COL24A1: variants seen among roughly 807,000 people sequenced by gnomAD.
COL24A1 encodes collagen alpha-1(XXIV) chain.
In COL24A1, 224 loss-of-function variants were observed where a neutral mutation model predicts 253.9. The observed-to-expected ratio is 0.88, with a 90% CI of 0.79 to 0.99. The LOEUF is 0.99. COL24A1 is among the 50% of genes least tolerant of loss of function. The pLI is 0.00. For missense variants in COL24A1, 2,131 were observed against 2,068.5 expected, an observed-to-expected ratio of 1.03 and a Z score of -0.59; for synonymous variants, 685 against 673.7, an observed-to-expected ratio of 1.02 and a Z score of -0.26.
At chr1:86,132,362 T>C (rs1649385993) in intron 2 of COL24A1, among the ~76,000 whole-genome samples, 1 of 152,130 alleles carries the variant, frequency 6.6e-6, no homozygotes, top group Non-Finnish European at 1.5e-5. Flanking sequence ...AGAAGCTCTT[T>C]AGTGTAGTTA....
In COL24A1 at chr1:85,869,178, C is replaced by T. The variant is rs117488617; in HGVS notation, c.3139-343G>A. ...CTGAGTTCAAGAAATGTAAATACTG[C>T]ATCTCATAAAGTTATAGTGCTTTGC... On this transcript the variant is annotated intron_variant, in intron 35 of 59. Coordinates refer to ENST00000370571, the MANE Select transcript of COL24A1 (RefSeq NM_152890.7). Among the ~76,000 whole-genome samples the T allele has an allele frequency of 7.1e-4, 108 of 152,190 alleles. No individual in the cohort carries two copies. The East Asian group carries it at 0.017, about 24-fold the overall frequency.
At chr1:85,910,656 A>G (rs1307055144) in intron 25 of COL24A1, among the ~76,000 whole-genome samples, 2 of 152,028 alleles carry the variant, frequency 1.3e-5, no homozygotes, top group South Asian at 2.1e-4. Context: ...TAAAAAATCA[A>G]TAAGTATATA....
In COL24A1 at chr1:85,896,348, A is replaced by G. The variant is rs757970346; in HGVS notation, c.2832+8T>C. 197 of 1,611,448 alleles carry G rather than the reference A, an allele frequency of 1.2e-4. No individual in the cohort carries two copies. Among genetic ancestry groups the G allele is most frequent in the Non-Finnish European group, 4.8e-5 (56 of 1,177,796 alleles). On this transcript the variant is annotated splice_region_variant and intron_variant, in intron 29 of 59. Coordinates refer to ENST00000370571, the MANE Select transcript of COL24A1 (RefSeq NM_152890.7). ...ACTACATATGAAATGAGAAAAATCA[A>G]TGATTACCTTGGCACCTTGTATACC...
chr1:85,833,644 T>C (rs939474471), intron 43 of COL24A1, among the ~76,000 whole-genome samples: 5 of 152,124 alleles, frequency 3.3e-5, no homozygotes, highest in South Asian at 2.1e-4. Context: ...ATAAATCATG[T>C]TGCTATAAAG....
chr1:86,116,022 A>G (rs531842275), intron 3 of COL24A1, among the ~76,000 whole-genome samples: 21 of 152,320 alleles, frequency 1.4e-4, no homozygotes, highest in African/African-American at 5.1e-4. Flanking sequence ...AAACATATCA[A>G]ATAAGAAATA....
intron 19 of COL24A1, among the ~76,000 whole-genome samples, chr1:86,008,307 T>G (rs568009844): frequency 1.3e-5 from 2 of 152,178 alleles, no homozygotes; most frequent in Non-Finnish European, 2.9e-5. Context: ...TGCAGTGGTG[T>G]AACCTCGGCT....
intron 1 of COL24A1, among the ~76,000 whole-genome samples, chr1:86,149,840 C>A (rs1460310768): frequency 6.6e-6 from 1 of 152,152 alleles, no homozygotes; most frequent in Non-Finnish European, 1.5e-5. Context: ...TGAGCCATAC[C>A]TTGCATAAAT....
chr1:86,125,792 C>T lies in COL24A1; in HGVS notation c.544G>A (p.Gly182Arg). 1 of 1,612,952 alleles carries T rather than the reference C, an allele frequency of 6.2e-7. No individual in the cohort carries two copies. Among genetic ancestry groups the T allele is most frequent in the South Asian group, 1.1e-5 (1 of 90,998 alleles). ...GTCTCTGTGCTAAAATATTTCTTTCCACACTCAACAAACATTGAGACACTT... is the reference window on the plus strand; with the variant it reads ...GTCTCTGTGCTAAAATATTTCTTTCTACACTCAACAAACATTGAGACACTT... ...NQSVSMFVECGKKYFSTETIP... is the reference protein window; with the variant it reads ...NQSVSMFVECRKKYFSTETIP... The change falls in exon 3 of 60, where the codon GGA (glycine) becomes AGA (arginine). Residue 182 changes from glycine (G) to arginine (R), a missense_variant. By Grantham distance (125) the Gly-to-Arg change is moderately radical. Coordinates refer to ENST00000370571, the MANE Select transcript of COL24A1 (RefSeq NM_152890.7).
At chr1:85,898,001 G>C (rs1683918515) in intron 28 of COL24A1, among the ~76,000 whole-genome samples, 1 of 152,080 alleles carries the variant, frequency 6.6e-6, no homozygotes, top group Admixed American at 6.6e-5. Flanking sequence ...GGGATAGTAT[G>C]TGAAAAAAAT....
At chr1:86,081,950 TAA>T (rs1268422785) in intron 7 of COL24A1, among the ~76,000 whole-genome samples, 4 of 152,174 alleles carry the variant, frequency 2.6e-5, no homozygotes, top group African/African-American at 7.2e-5. Flanking sequence ...TTGCTCCTTT[TAA>T]AAGTTTCCTC....
At chr1:86,076,306 T>C (rs534313508) in intron 7 of COL24A1, among the ~76,000 whole-genome samples, 25 of 152,148 alleles carry the variant, frequency 1.6e-4, no homozygotes, top group African/African-American at 4.8e-4. Flanking sequence ...ACAAAGAGAA[T>C]AAAATACCTA....
At chr1:86,142,543 A>AC (rs1201472604) in intron 2 of COL24A1, among the ~76,000 whole-genome samples, 7 of 151,274 alleles carry the variant, frequency 4.6e-5, no homozygotes, top group Non-Finnish European at 8.9e-5. Context: ...ACAAAAAACA[A>AC]AAAACAAAAA....
At chr1:85,785,825 T>C (rs569492699) in intron 48 of COL24A1, among the ~76,000 whole-genome samples, 2 of 152,324 alleles carry the variant, frequency 1.3e-5, no homozygotes, top group African/African-American at 4.8e-5. Flanking sequence ...TCTGGGTCAA[T>C]CCTGTATGAG....
intron 57 of COL24A1, among the ~76,000 whole-genome samples, chr1:85,740,543 C>T (rs1664495382): frequency 6.6e-6 from 1 of 152,052 alleles, no homozygotes; most frequent in African/African-American, 2.4e-5. Context: ...GCAACCTCCA[C>T]CCCCTGCAGG....
At chr1:86,142,763 G>C (rs1413986564) in intron 2 of COL24A1, among the ~76,000 whole-genome samples, 1 of 151,916 alleles carries the variant, frequency 6.6e-6, no homozygotes, top group African/African-American at 2.4e-5. Context: ...ACATAACGCA[G>C]GAAAATTCCC....
chr1:85,788,001 T>G (rs1669864029), intron 47 of COL24A1, among the ~76,000 whole-genome samples: 2 of 149,602 alleles, frequency 1.3e-5, no homozygotes, highest in Non-Finnish European at 1.5e-5. Context: ...AGCTTTTTTT[T>G]GATATGTTTG....
intron 37 of COL24A1, among the ~76,000 whole-genome samples, chr1:85,853,505 G>A (rs1678058141): frequency 1.3e-5 from 2 of 152,222 alleles, no homozygotes; most frequent in African/African-American, 4.8e-5. Context: ...GGACTGCTGG[G>A]TTGAATGGTA....
intron 24 of COL24A1, among the ~76,000 whole-genome samples, chr1:85,925,379 A>C (rs1428907811): frequency 1.3e-5 from 2 of 152,198 alleles, no homozygotes; most frequent in African/African-American, 4.8e-5. Context: ...ATCCTAAGCC[A>C]AAAGAACAAA....
chr1:86,033,030 A>C (rs1297005886), intron 13 of COL24A1, among the ~76,000 whole-genome samples: 5 of 152,162 alleles, frequency 3.3e-5, no homozygotes, highest in Non-Finnish European at 7.4e-5. Flanking sequence ...ACAACATTCA[A>C]GTTTTTAACA....
Sources: allele counts gnomAD v4.1 joint callset (sites outside exome capture counted in the v4.1 genomes callset), GRCh38; gene constraint gnomAD v4.1.1; transcripts MANE v1.5; gene names NCBI Gene and HGNC (gene_info 2026-07-23, HGNC 2026-07-21).